The following CNOT6L variants were observed in gnomAD, a reference collection of about 807,000 sequenced individuals.
CNOT6L encodes CCR4-NOT transcription complex subunit 6 like.
CNOT6L carries 7 observed loss-of-function variants against 64.0 expected under a neutral mutation model. The observed-to-expected ratio is 0.11, with a 90% CI of 0.06 to 0.21. The LOEUF (loss-of-function observed/expected upper bound fraction) is 0.21. Ranked by LOEUF, CNOT6L falls within the 10% of genes least tolerant of loss-of-function variation. The probability of loss-of-function intolerance (pLI) is 1.00; values close to 1 mark genes in which losing one functional copy is unlikely to be tolerated. For missense variants in CNOT6L, 245 were observed against 669.0 expected (o/e 0.37, Z 6.99); for synonymous variants, 193 against 243.4 (o/e 0.79, Z 1.93).
chr4:77,767,064 A>C (rs1297364085), intron 4 of CNOT6L, among the ~76,000 whole-genome samples: 1 of 130,022 alleles, frequency 7.7e-6, no homozygotes, highest in Non-Finnish European at 1.7e-5. Context: ...CTCCGTCTCA[A>C]AAAAAAAAAA....
intron 1 of CNOT6L, among the ~76,000 whole-genome samples, chr4:77,805,676 A>G (rs1186612284): frequency 3.9e-5 from 6 of 152,214 alleles, no homozygotes; most frequent in Non-Finnish European, 8.8e-5. Context: ...ATATATTACT[A>G]TATCATATTT....
At chr4:77,814,154 C>A (rs747507625) in intron 1 of CNOT6L, among the ~76,000 whole-genome samples, 5 of 152,022 alleles carry the variant, frequency 3.3e-5, no homozygotes, top group Non-Finnish European at 5.9e-5. Flanking sequence ...TGCATTTGTA[C>A]AAAATGTCCA....
At chr4:77,794,876 C>T (rs995222406) in intron 1 of CNOT6L, among the ~76,000 whole-genome samples, 6 of 151,798 alleles carry the variant, frequency 4.0e-5, no homozygotes, top group Non-Finnish European at 7.4e-5. Context: ...TGTAAAAAAT[C>T]CTATAGAATC....
chr4:77,776,137 C>A, intron 2 of CNOT6L, 134 bp downstream of exon 2: 1 of 822,060 alleles, frequency 1.2e-6, no homozygotes, highest in Non-Finnish European at 1.9e-6. Flanking sequence ...AAACAGAAAA[C>A]ACTAGTATCT....
chr4:77,773,083 T>A lies in CNOT6L; in HGVS notation c.398A>T (p.Lys133Ile), dbSNP rs749866706. ...AAAACTGTTTAAAAATCACTTACCT[T>A]TCAAACCTAGAGTTTGTAGCTGGAA... The part of the protein sequence containing the change: ...RLFQLQTLGL[K>I]GNPLSQDILN... Residue 133 changes from lysine (K) to isoleucine (I), a missense_variant and splice_region_variant, in exon 4 of 12, where the codon AAA becomes ATA. By Grantham distance (102) the Lys-to-Ile change is moderately radical (BLOSUM62 -3). This residue lies in a region of CNOT6L where 94 missense variants were observed against 290.9 expected (regional missense o/e 0.32). Transcript: ENST00000504123. The A allele has an allele frequency of 6.3e-7, 1 of 1,594,656 alleles. No homozygotes were observed. Among genetic ancestry groups the A allele is most frequent in the Non-Finnish European group, 8.5e-7 (1 of 1,170,850 alleles).
chr4:77,792,889 G>A (rs574939408), intron 1 of CNOT6L, among the ~76,000 whole-genome samples: 2 of 151,418 alleles, frequency 1.3e-5, no homozygotes, highest in African/African-American at 2.4e-5. Flanking sequence ...CTGCCCCTCA[G>A]GAGACATTTG....
chr4:77,764,154 A>C (rs904819417), intron 4 of CNOT6L, among the ~76,000 whole-genome samples: 7 of 152,202 alleles, frequency 4.6e-5, no homozygotes, highest in Non-Finnish European at 1.0e-4. Context: ...GAACCAGAAG[A>C]AGCTCCACGG....
chr4:77,768,474 A>AATAAATAAATAT (rs1215170210), intron 4 of CNOT6L, among the ~76,000 whole-genome samples: 3 of 13,124 alleles, frequency 2.3e-4, no homozygotes, highest in East Asian at 2.7e-3. Context: ...AAAATAAATA[A>AATAAATAAATAT]ATATATATAT....
At chr4:77,735,079 C>CT (rs1722802443) in intron 8 of CNOT6L, among the ~76,000 whole-genome samples, 1 of 152,106 alleles carries the variant, frequency 6.6e-6, no homozygotes, top group African/African-American at 2.4e-5. Flanking sequence ...TCACATACTT[C>CT]TAGGAGCACC....
intron 9 of CNOT6L, 149 bp downstream of exon 9, chr4:77,731,238 G>A: frequency 3.1e-6 from 2 of 648,736 alleles, no homozygotes; most frequent in South Asian, 1.9e-5. Context: ...TTTACACAAT[G>A]GTGCTATTTT....
At chr4:77,768,474 A>AATAAATAAATATAT in intron 4 of CNOT6L, among the ~76,000 whole-genome samples, 1 of 13,126 alleles carries the variant, frequency 7.6e-5, no homozygotes, top group East Asian at 2.7e-3. Context: ...AAAATAAATA[A>AATAAATAAATATAT]ATATATATAT....
chr4:77,724,680 A>T (rs1026938300), intron 11 of CNOT6L, among the ~76,000 whole-genome samples: 1 of 151,484 alleles, frequency 6.6e-6, no homozygotes, highest in Non-Finnish European at 1.5e-5. Flanking sequence ...ATAGAATAAA[A>T]TTTTTTCTTT....
intron 1 of CNOT6L, among the ~76,000 whole-genome samples, chr4:77,816,518 CTAGT>C (rs1310847457): frequency 1.3e-5 from 2 of 152,098 alleles, no homozygotes; most frequent in African/African-American, 4.8e-5. Context: ...ATAGTTGCCC[CTAGT>C]TATTTATAAA....
At chr4:77,814,904 G>A (rs1254896577) in intron 1 of CNOT6L, among the ~76,000 whole-genome samples, 2 of 152,164 alleles carry the variant, frequency 1.3e-5, no homozygotes, top group Admixed American at 6.6e-5. Flanking sequence ...TGTCAGTGCA[G>A]TTAGTAAAAG....
chr4:77,729,794 A>G (rs931769599), intron 9 of CNOT6L, among the ~76,000 whole-genome samples: 5 of 152,052 alleles, frequency 3.3e-5, no homozygotes, highest in Non-Finnish European at 2.9e-5. Flanking sequence ...TTCTGTTAAA[A>G]TAAACATTAA....
In CNOT6L at chr4:77,786,475, A is replaced by T. The variant is rs547817475; in HGVS notation, c.6-10083T>A. 5.9e-4 allele frequency among the ~76,000 whole-genome samples: 89 copies of T among 151,750 alleles called. 1 individual carries two copies. Among genetic ancestry groups the T allele is most frequent in the South Asian group, 8.3e-4 (4 of 4,804 alleles). On this transcript the variant is annotated intron_variant, in intron 1 of 11. Transcript: ENST00000504123. ...TTGCTAAAGAAAATAAAAGTAAATTAAAAAAAAATTTTTTTTGAGACAGGG... is the reference window on the plus strand; with the variant it reads ...TTGCTAAAGAAAATAAAAGTAAATTTAAAAAAAATTTTTTTTGAGACAGGG...
At chr4:77,765,918 C>A (rs1726769640) in intron 4 of CNOT6L, among the ~76,000 whole-genome samples, 1 of 152,192 alleles carries the variant, frequency 6.6e-6, no homozygotes. Flanking sequence ...CTGGATTACT[C>A]AATTGCATGC....
intron 11 of CNOT6L, among the ~76,000 whole-genome samples, chr4:77,724,639 C>CAAA (rs58504681): frequency 1.1e-3 from 72 of 64,070 alleles, no homozygotes; most frequent in African/African-American, 4.0e-3. Flanking sequence ...GACCCTATCT[C>CAAA]AAAAAAAAAA....
At chr4:77,784,983 C>T (rs1729279008) in intron 1 of CNOT6L, among the ~76,000 whole-genome samples, 1 of 152,104 alleles carries the variant, frequency 6.6e-6, no homozygotes, top group South Asian at 2.1e-4. Flanking sequence ...ATAGCCAGTA[C>T]ACTTCTGAAA....
Sources: gnomAD v4.1 joint callset for allele counts (sites outside exome capture counted in the v4.1 genomes callset) on GRCh38, gnomAD v4.1.1 for gene constraint, gnomAD v4.1.1 regional missense constraint, MANE v1.5 for transcripts, NCBI Gene and HGNC (gene_info 2026-07-23, HGNC 2026-07-21) for gene names.